GMPS: variants seen among roughly 807,000 people sequenced by gnomAD.
GMPS encodes the protein GMP synthase [glutamine-hydrolyzing].
A neutral mutation model predicts 77.9 loss-of-function variants in GMPS; 15 were observed. The observed-to-expected ratio is 0.19, with a 90% CI of 0.13 to 0.30. The LOEUF (loss-of-function observed/expected upper bound fraction) is 0.30. Ranked by LOEUF, GMPS falls within the 10% of genes least tolerant of loss-of-function variation. The pLI, the probability that GMPS is intolerant of heterozygous loss-of-function variation, is 1.00. For missense variants in GMPS, 590 were observed against 838.8 expected (o/e 0.70, Z 3.66); for synonymous variants, 224 against 275.9 (o/e 0.81, Z 1.86).
At chr3:155,925,152 C>T in intron 11 of GMPS, 89 bp from the exon 12 acceptor site, 4 of 1,189,832 alleles carry the variant, frequency 3.4e-6, no homozygotes, top group Non-Finnish European at 4.8e-6. Context: ...TGCTAAAAAC[C>T]AGTAAAATAC....
At chr3:155,889,480 C>T (rs537572659) in intron 1 of GMPS, among the ~76,000 whole-genome samples, 2 of 152,288 alleles carry the variant, frequency 1.3e-5, no homozygotes, top group South Asian at 4.1e-4. Context: ...CTGGGTCGTA[C>T]CTCTTGGGTG....
In GMPS at chr3:155,903,895, CA is replaced by C. The variant is rs748403872; in HGVS notation, c.364del (p.Ser122ValfsTer36). ...ATAAGGTATTTGGAGGTACTGTGCACAAAAAAAGTGTCAGAGAAGATGGAGT... is the reference window on the plus strand; with the variant it reads ...ATAAGGTATTTGGAGGTACTGTGCACAAAAAAGTGTCAGAGAAGATGGAGT... The part of the protein sequence containing the change: ...MNKVFGGTVH[K>X]KSVREDGVFN... On this transcript the variant is annotated frameshift_variant, in exon 4 of 16. Coordinates refer to ENST00000496455, the MANE Select transcript of GMPS (RefSeq NM_003875.3). LOFTEE classifies it high-confidence loss of function. 23 of 1,552,974 alleles carry C rather than the reference CA, an allele frequency of 1.5e-5. No homozygotes were observed. The highest frequency in any genetic ancestry group is 3.6e-5 in the Admixed American group (2 of 54,948).
intron 8 of GMPS, among the ~76,000 whole-genome samples, chr3:155,915,566 T>C (rs954860272): frequency 6.6e-6 from 1 of 151,290 alleles, no homozygotes; most frequent in Non-Finnish European, 1.5e-5. Context: ...CATGCCCGGC[T>C]AGTTTTTGTA....
intron 12 of GMPS, among the ~76,000 whole-genome samples, chr3:155,928,750 T>C (rs1472653423): frequency 1.5e-5 from 2 of 137,228 alleles, no homozygotes; most frequent in Non-Finnish European, 3.1e-5. Context: ...TGTGATCTCA[T>C]TGTTCAATTC....
intron 14 of GMPS, among the ~76,000 whole-genome samples, chr3:155,935,976 G>A (rs1755755610): frequency 6.6e-6 from 1 of 152,140 alleles, no homozygotes; most frequent in African/African-American, 2.4e-5. Context: ...ACAACCAGAG[G>A]CTTGCAGGAA....
intron 1 of GMPS, among the ~76,000 whole-genome samples, chr3:155,878,844 GT>G (rs1754128280): frequency 6.6e-6 from 1 of 151,968 alleles, no homozygotes; most frequent in Non-Finnish European, 1.5e-5. Context: ...AGAATCGGGA[GT>G]CCATGGTGTA....
At chr3:155,937,072 C>T (rs987343400) in intron 15 of GMPS, among the ~76,000 whole-genome samples, 29 of 152,178 alleles carry the variant, frequency 1.9e-4, no homozygotes, top group African/African-American at 6.0e-4. Context: ...TGGTTCGGAA[C>T]GTGGCTTAGA....
At chr3:155,915,437 T>C (rs970941751) in intron 8 of GMPS, among the ~76,000 whole-genome samples, 1 of 152,046 alleles carries the variant, frequency 6.6e-6, no homozygotes, top group African/African-American at 2.4e-5. Context: ...AGTCTCACTC[T>C]GCCGCCCAGG....
At chr3:155,929,231 A>G (rs1755537963) in intron 12 of GMPS, among the ~76,000 whole-genome samples, 1 of 150,910 alleles carries the variant, frequency 6.6e-6, no homozygotes. Context: ...TTGCCATTCT[A>G]ACTGGTGTGA....
In GMPS at chr3:155,932,930, G is replaced by A. The variant is rs556402166; in HGVS notation, c.1676+1050G>A. On this transcript the variant is annotated intron_variant, in intron 13 of 15. Transcript: ENST00000496455. The stretch of plus-strand genomic sequence containing the variant: ...ATGGGGGCCAGGCATGGTGGCTCAC[G>A]CCTGTAATCCCACCACTTTGAGAGG... Among the ~76,000 whole-genome samples, 162 of 152,268 alleles carry A rather than the reference G, an allele frequency of 1.1e-3. 1 individual carries two copies. Among genetic ancestry groups the A allele is most frequent in the Non-Finnish European group, 1.9e-3 (126 of 68,018 alleles).
chr3:155,872,624 T>G (rs1019058462), intron 1 of GMPS, among the ~76,000 whole-genome samples: 1 of 152,224 alleles, frequency 6.6e-6, no homozygotes, highest in Non-Finnish European at 1.5e-5. Flanking sequence ...AGGATTTTTC[T>G]TTTTCCTAAC....
intron 1 of GMPS, among the ~76,000 whole-genome samples, chr3:155,881,889 A>G (rs1440828856): frequency 6.6e-6 from 1 of 152,116 alleles, no homozygotes; most frequent in African/African-American, 2.4e-5. Context: ...ACATGAGGAA[A>G]TCCTGTCTCT....
At chr3:155,920,649 T>C (rs956142795) in intron 10 of GMPS, among the ~76,000 whole-genome samples, 2 of 152,060 alleles carry the variant, frequency 1.3e-5, no homozygotes, top group African/African-American at 4.8e-5. Context: ...AAGTGTTCTA[T>C]GTCCTTGGTC....
chr3:155,874,905 T>C (rs961257834), intron 1 of GMPS, among the ~76,000 whole-genome samples: 6 of 137,870 alleles, frequency 4.4e-5, no homozygotes, highest in Non-Finnish European at 7.8e-5. Flanking sequence ...TGTTTTCTTT[T>C]TTTTTTTTTT....
Position 155,937,856 on chromosome 3 carries a change from C to G in GMPS, c.*164C>G, listed in dbSNP as rs1577540600. ...GCTTAAGAGCTGAGTTGGGGATAACCAAAAGGGACTGAAGAGTTTGTACGG... is the reference window on the plus strand; with the variant it reads ...GCTTAAGAGCTGAGTTGGGGATAACGAAAAGGGACTGAAGAGTTTGTACGG... On this transcript the variant is annotated 3_prime_UTR_variant, in exon 16 of 16. Transcript: ENST00000496455. 3.5e-6 allele frequency: 2 copies of G among 572,378 alleles called. No homozygotes were observed. The highest frequency in any genetic ancestry group is 5.7e-5 in the East Asian group (2 of 35,320). The allele number at this position is 572,378 out of a possible 1,614,324, so 35.5% of individuals were successfully genotyped here.
chr3:155,895,237 C>T (rs1754573431), intron 2 of GMPS, among the ~76,000 whole-genome samples: 1 of 152,122 alleles, frequency 6.6e-6, no homozygotes, highest in African/African-American at 2.4e-5. Flanking sequence ...GTAGAAATAA[C>T]TATTTGACCA....
chr3:155,869,988 T>A (rs114064048), upstream of GMPS, among the ~76,000 whole-genome samples: 363 of 152,280 alleles, frequency 2.4e-3, 2 homozygotes, highest in African/African-American at 8.4e-3. Context: ...ATAAAAACAC[T>A]GTTGTGCAAA....
chr3:155,920,722 A>G (rs1353325293), intron 10 of GMPS, among the ~76,000 whole-genome samples: 1 of 152,096 alleles, frequency 6.6e-6, no homozygotes, highest in Admixed American at 6.6e-5. Flanking sequence ...GTTTTCTATT[A>G]TGTAAGACTT....
intron 1 of GMPS, among the ~76,000 whole-genome samples, chr3:155,874,715 TA>T (rs1753992832): frequency 1.3e-5 from 2 of 152,058 alleles, no homozygotes; most frequent in South Asian, 4.1e-4. Context: ...TTAAGGAAAA[TA>T]ATTCAGTCTT....
Sources: allele counts gnomAD v4.1 joint callset (sites outside exome capture counted in the v4.1 genomes callset), GRCh38; gene constraint gnomAD v4.1.1; transcripts MANE v1.5; gene names NCBI Gene and HGNC (gene_info 2026-07-23, HGNC 2026-07-21).